Variants in HCN1 observed in about 807,000 individuals in gnomAD.
HCN1 encodes the protein hyperpolarization activated cyclic nucleotide gated potassium channel 1.
HCN1 carries 13 observed loss-of-function variants against 78.9 expected under a neutral mutation model. That is an observed-to-expected ratio of 0.16 (90% CI 0.11 to 0.26). The LOEUF (loss-of-function observed/expected upper bound fraction) is 0.26, where lower values mean the gene tolerates loss of function less well. HCN1 is among the 10% of genes least tolerant of loss of function. The probability of loss-of-function intolerance (pLI) is 1.00; values close to 1 mark genes in which losing one functional copy is unlikely to be tolerated. For missense variants in HCN1, 810 were observed against 1,154.3 expected (o/e 0.70, Z 4.32); for synonymous variants, 552 against 455.5 (o/e 1.21, Z -2.70).
chr5:45,498,957 C>T (rs528723934), intron 2 of HCN1, among the ~76,000 whole-genome samples: 16 of 152,276 alleles, frequency 1.1e-4, no homozygotes, highest in African/African-American at 3.1e-4. Context: ...TCTCCAGCTG[C>T]GTGCTGGGAG....
intron 2 of HCN1, among the ~76,000 whole-genome samples, chr5:45,497,712 A>T (rs1251912508): frequency 6.6e-6 from 1 of 152,140 alleles, no homozygotes; most frequent in Non-Finnish European, 1.5e-5. Context: ...ATGAATTTGC[A>T]GCAGCTGGTA....
intron 2 of HCN1, among the ~76,000 whole-genome samples, chr5:45,546,998 G>T (rs975916725): frequency 7.2e-5 from 11 of 151,824 alleles, no homozygotes; most frequent in Non-Finnish European, 1.5e-4. Flanking sequence ...TTTCTGACTT[G>T]AACTATTTCA....
At chr5:45,263,114 G>A (rs1223260053) in intron 7 of HCN1, among the ~76,000 whole-genome samples, 1 of 152,176 alleles carries the variant, frequency 6.6e-6, no homozygotes, top group African/African-American at 2.4e-5. Context: ...GGAAGAAAGG[G>A]CTTTTGGAAT....
chr5:45,606,785 C>T lies in HCN1; in HGVS notation c.849+38400G>A, dbSNP rs140056928. ...AATAGAAATAACAAAACAGTCATCACGAATGAATCTAAATATGCATGTAAA... is the reference window on the plus strand; with the variant it reads ...AATAGAAATAACAAAACAGTCATCATGAATGAATCTAAATATGCATGTAAA... On this transcript the variant is annotated intron_variant, in intron 2 of 7. Coordinates refer to ENST00000303230, the MANE Select transcript of HCN1 (RefSeq NM_021072.4). Among the ~76,000 whole-genome samples the T allele has an allele frequency of 6.7e-4, 102 of 151,858 alleles. 2 individuals are homozygous for T. In the East Asian group the frequency reaches 0.013, roughly 20 times the overall value.
chr5:45,672,982 A>T (rs1315208522), intron 1 of HCN1, among the ~76,000 whole-genome samples: 1 of 151,358 alleles, frequency 6.6e-6, no homozygotes, highest in Non-Finnish European at 1.5e-5. Context: ...CTTTATTCAC[A>T]TGTTTGTACT....
At chr5:45,556,514 T>C (rs1277430092) in intron 2 of HCN1, among the ~76,000 whole-genome samples, 1 of 151,982 alleles carries the variant, frequency 6.6e-6, no homozygotes, top group South Asian at 2.1e-4. Context: ...AGCTTCTCTT[T>C]ATAGCCCAAA....
chr5:45,312,598 AG>A (rs1338749936), intron 5 of HCN1, among the ~76,000 whole-genome samples: 1 of 152,046 alleles, frequency 6.6e-6, no homozygotes, highest in Non-Finnish European at 1.5e-5. Context: ...GCAAGGAGTC[AG>A]GGAATTCCCT....
chr5:45,292,228 T>C (rs1418381110), intron 6 of HCN1, among the ~76,000 whole-genome samples: 2 of 151,992 alleles, frequency 1.3e-5, no homozygotes, highest in African/African-American at 2.4e-5. Context: ...TATCTTAATC[T>C]TACAATTGAT....
intron 3 of HCN1, among the ~76,000 whole-genome samples, chr5:45,447,799 AG>A (rs889566161): frequency 6.6e-6 from 1 of 152,068 alleles, no homozygotes; most frequent in Non-Finnish European, 1.5e-5. Flanking sequence ...CACCTCAAAA[AG>A]GGGGAGGTGT....
chr5:45,531,799 G>A (rs371440821), intron 2 of HCN1, among the ~76,000 whole-genome samples: 2 of 151,994 alleles, frequency 1.3e-5, no homozygotes, highest in East Asian at 3.9e-4. Context: ...AAGCACTTTG[G>A]GAGGCCAAGG....
At chr5:45,510,342 AGAATT>A (rs1348306061) in intron 2 of HCN1, among the ~76,000 whole-genome samples, 5 of 152,114 alleles carry the variant, frequency 3.3e-5, no homozygotes, top group African/African-American at 4.8e-5. Context: ...GTATGACACA[AGAATT>A]GAATTGAGTG....
At chr5:45,653,189 C>G (rs1173298147) in intron 1 of HCN1, among the ~76,000 whole-genome samples, 1 of 151,920 alleles carries the variant, frequency 6.6e-6, no homozygotes, top group Non-Finnish European at 1.5e-5. Context: ...TTTCCTTTTC[C>G]TAAACCCAAA....
chr5:45,513,397 T>C (rs1386656089), intron 2 of HCN1, among the ~76,000 whole-genome samples: 1 of 152,162 alleles, frequency 6.6e-6, no homozygotes, highest in Non-Finnish European at 1.5e-5. Flanking sequence ...CACATTTTCC[T>C]CATGATAAAT....
At chr5:45,683,918 G>A (rs947565855) in intron 1 of HCN1, among the ~76,000 whole-genome samples, 1 of 151,984 alleles carries the variant, frequency 6.6e-6, no homozygotes, top group Admixed American at 6.6e-5. Flanking sequence ...AGAGCTGCCC[G>A]CCTCAGCCTC....
rs769364301 is a variant in HCN1 at position 45,262,549 on chromosome 5, C to G, written c.2045G>C (p.Ser682Thr). The change falls in exon 8 of 8, where the codon AGT becomes ACT. Residue 682 changes from serine (S) to threonine (T), a missense_variant. This residue lies in a region of HCN1 where 398 missense variants were observed against 381.3 expected (regional missense o/e 1.04). Transcript: ENST00000303230. ...TGGCTGGGGGGTCTGTGTGCTGGGA[C>G]TGGGGGAGTGCAGGTTGCTGTGAGA... ...SLSHSNLHSP[S>T]PSTQTPQPSA... 6.2e-7 allele frequency: 1 copy of G among 1,613,560 alleles called. No homozygotes were observed. The highest frequency in any genetic ancestry group is 8.5e-7 in the Non-Finnish European group (1 of 1,179,894).
At chr5:45,411,722 A>C (rs1740027763) in intron 3 of HCN1, among the ~76,000 whole-genome samples, 1 of 152,108 alleles carries the variant, frequency 6.6e-6, no homozygotes, top group Admixed American at 6.6e-5. Context: ...TCAGGAATGG[A>C]GAAGAAATGG....
chr5:45,403,219 A>C (rs1050380613), intron 3 of HCN1, among the ~76,000 whole-genome samples: 1 of 152,122 alleles, frequency 6.6e-6, no homozygotes, highest in African/African-American at 2.4e-5. Context: ...GTGAGCATTT[A>C]AGTAGCAGAT....
At chr5:45,494,634 T>A (rs1241755957) in intron 2 of HCN1, among the ~76,000 whole-genome samples, 2 of 152,126 alleles carry the variant, frequency 1.3e-5, no homozygotes, top group African/African-American at 4.8e-5. Flanking sequence ...TTTGGTTTTG[T>A]TGCCATTGCT....
chr5:45,634,409 T>A (rs1745324013), intron 2 of HCN1, among the ~76,000 whole-genome samples: 1 of 151,958 alleles, frequency 6.6e-6, no homozygotes. Context: ...GTTATTAATA[T>A]CACAATTCCC....
Sources: gnomAD v4.1 joint callset for allele counts (sites outside exome capture counted in the v4.1 genomes callset) on GRCh38, gnomAD v4.1.1 for gene constraint, gnomAD v4.1.1 regional missense constraint, MANE v1.5 for transcripts, NCBI Gene and HGNC (gene_info 2026-07-23, HGNC 2026-07-21) for gene names.